The following FHIT variants were observed in gnomAD, a reference collection of about 807,000 sequenced individuals.
The protein encoded by FHIT is fragile histidine triad diadenosine triphosphatase.
In FHIT, 19 loss-of-function variants were observed where a neutral mutation model predicts 17.9. That is an observed-to-expected ratio of 1.06 (90% CI 0.74 to 1.56). The LOEUF is 1.56. Ranked by LOEUF, FHIT falls within the 40% of genes most tolerant of loss-of-function variation. The pLI is 0.00. For synonymous variants in FHIT, 81 were observed against 69.7 expected, an observed-to-expected ratio of 1.16 and a Z score of -0.81; for missense variants, 248 against 189.2, an observed-to-expected ratio of 1.31 and a Z score of -1.82.
chr3:59,846,595 A>C (rs1394699239), intron 8 of FHIT, among the ~76,000 whole-genome samples: 1 of 152,196 alleles, frequency 6.6e-6, no homozygotes, highest in African/African-American at 2.4e-5. Flanking sequence ...ATATAGAAAC[A>C]AAAAGTGGAA....
chr3:60,865,746 TG>T (rs1336423686), intron 3 of FHIT, among the ~76,000 whole-genome samples: 1 of 152,052 alleles, frequency 6.6e-6, no homozygotes, highest in African/African-American at 2.4e-5. Flanking sequence ...TTTCCCTAAA[TG>T]GGGGGCTGTG....
At chr3:59,955,556 A>G (rs1392852171) in intron 7 of FHIT, among the ~76,000 whole-genome samples, 1 of 152,156 alleles carries the variant, frequency 6.6e-6, no homozygotes, top group Non-Finnish European at 1.5e-5. Context: ...TCAGACTCAA[A>G]TATCAAACTA....
intron 4 of FHIT, among the ~76,000 whole-genome samples, chr3:60,691,528 C>A (rs1249936109): frequency 7.2e-5 from 11 of 152,054 alleles, no homozygotes; most frequent in Non-Finnish European, 1.3e-4. Flanking sequence ...TGCCACCACA[C>A]CTGGCTAATT....
chr3:61,218,462 A>G (rs937922104), intron 1 of FHIT, among the ~76,000 whole-genome samples: 2 of 152,212 alleles, frequency 1.3e-5, no homozygotes, highest in African/African-American at 4.8e-5. Flanking sequence ...CAATGAGTAA[A>G]GACAATCCTA....
At chr3:60,042,766 G>C (rs1362019122) in intron 5 of FHIT, among the ~76,000 whole-genome samples, 1 of 151,598 alleles carries the variant, frequency 6.6e-6, no homozygotes, top group African/African-American at 2.4e-5. Flanking sequence ...CCATAACAGA[G>C]ATGAGTAAAA....
At chr3:60,210,588 A>T (rs1329610293) in intron 5 of FHIT, among the ~76,000 whole-genome samples, 2 of 152,178 alleles carry the variant, frequency 1.3e-5, no homozygotes, top group Non-Finnish European at 2.9e-5. Flanking sequence ...AAAATGAGTG[A>T]GAAATATGAA....
At chr3:60,819,773 A>G (rs1701862396) in intron 4 of FHIT, among the ~76,000 whole-genome samples, 2 of 152,174 alleles carry the variant, frequency 1.3e-5, no homozygotes, top group African/African-American at 4.8e-5. Flanking sequence ...GTTCACTAAG[A>G]GCACACAGCA....
At chr3:59,973,574 C>T (rs1032012712) in intron 7 of FHIT, among the ~76,000 whole-genome samples, 1 of 152,086 alleles carries the variant, frequency 6.6e-6, no homozygotes, top group Non-Finnish European at 1.5e-5. Flanking sequence ...TATCCTACCA[C>T]AAACATGTCT....
chr3:60,354,762 T>C (rs933048113), intron 5 of FHIT, among the ~76,000 whole-genome samples: 2 of 152,208 alleles, frequency 1.3e-5, no homozygotes, highest in African/African-American at 4.8e-5. Context: ...TGATTCTGCT[T>C]AACTCTACTA....
chr3:60,358,399 T>G (rs1331518659), intron 5 of FHIT, among the ~76,000 whole-genome samples: 1 of 152,130 alleles, frequency 6.6e-6, no homozygotes, highest in Admixed American at 6.5e-5. Context: ...ACAGTCAGAA[T>G]GAAGGAAGAT....
chr3:60,543,907 C>CTTTTTTTTTTTTT lies in FHIT; in HGVS notation c.-17-6941_-17-6929dup, dbSNP rs71092612. 4.1e-3 allele frequency among the ~76,000 whole-genome samples: 215 copies of CTTTTTTTTTTTTT among 52,048 alleles called. 21 individuals are homozygous for CTTTTTTTTTTTTT. Among genetic ancestry groups the CTTTTTTTTTTTTT allele is most frequent in the African/African-American group, 6.2e-3 (64 of 10,278 alleles). 34.1% of individuals were successfully genotyped at this position (52,048 alleles called of 152,430 possible). A position where few individuals can be genotyped will look rare whatever the true frequency, so the allele number is the denominator to read the frequency against. On this transcript the variant is annotated intron_variant, in intron 4 of 9. Transcript: ENST00000492590. ...CTACAAGCGCCCGCACCACGCCCGGCTTTTTTTTTTTTTTTTTTTTTTTTG... is the reference window on the plus strand; with the variant it reads ...CTACAAGCGCCCGCACCACGCCCGGCTTTTTTTTTTTTTTTTTTTTTTTTTTTTTTTTTTTTTG...
At chr3:60,045,245 A>C (rs1701603254) in intron 5 of FHIT, among the ~76,000 whole-genome samples, 1 of 152,178 alleles carries the variant, frequency 6.6e-6, no homozygotes, top group Non-Finnish European at 1.5e-5. Context: ...TATTATTCTC[A>C]GGTATGATAA....
chr3:60,082,047 T>G (rs1396593473), intron 5 of FHIT, among the ~76,000 whole-genome samples: 2 of 152,094 alleles, frequency 1.3e-5, no homozygotes, highest in African/African-American at 2.4e-5. Flanking sequence ...ATGCTCATGT[T>G]TGGGGTATGA....
intron 4 of FHIT, among the ~76,000 whole-genome samples, chr3:60,725,404 T>C (rs1243293599): frequency 1.3e-5 from 2 of 152,230 alleles, no homozygotes; most frequent in Non-Finnish European, 2.9e-5. Context: ...TTTTGTCTAA[T>C]AATGTTATAG....
intron 5 of FHIT, among the ~76,000 whole-genome samples, chr3:60,366,108 C>T (rs145548883): frequency 3.6e-4 from 55 of 152,218 alleles, no homozygotes; most frequent in East Asian, 1.5e-3. Flanking sequence ...AATGAGTCCT[C>T]GAGAAATCCT....
intron 5 of FHIT, among the ~76,000 whole-genome samples, chr3:60,042,336 C>T (rs995883672): frequency 9.2e-5 from 14 of 152,164 alleles, no homozygotes; most frequent in Non-Finnish European, 1.9e-4. Context: ...CTTTGTAGGA[C>T]TCTATTAGTT....
chr3:60,825,687 C>T (rs1553740742), intron 3 of FHIT, among the ~76,000 whole-genome samples: 1 of 152,092 alleles, frequency 6.6e-6, no homozygotes, highest in Non-Finnish European at 1.5e-5. Flanking sequence ...TATGATGAGA[C>T]CCTAACGCCT....
intron 2 of FHIT, among the ~76,000 whole-genome samples, chr3:61,059,226 T>C (rs2034337047): frequency 6.6e-6 from 1 of 152,202 alleles, no homozygotes; most frequent in Non-Finnish European, 1.5e-5. Flanking sequence ...GAAAACACTG[T>C]CCAACATTTT....
At chr3:60,225,095 C>T (rs909366901) in intron 5 of FHIT, among the ~76,000 whole-genome samples, 6 of 152,120 alleles carry the variant, frequency 3.9e-5, no homozygotes, top group Admixed American at 1.3e-4. Context: ...GGTAGAATTT[C>T]GTCATTACTA....
Sources: gnomAD v4.1 joint callset for allele counts (sites outside exome capture counted in the v4.1 genomes callset) on GRCh38, gnomAD v4.1.1 for gene constraint, MANE v1.5 for transcripts, NCBI Gene and HGNC (gene_info 2026-07-23, HGNC 2026-07-21) for gene names.